RIT2: variants seen among roughly 807,000 people sequenced by gnomAD.
RIT2 encodes Ras like without CAAX 2.
Under a neutral mutation model 23.7 loss-of-function variants are expected in RIT2, and 24 were observed. That is an observed-to-expected ratio of 1.01 (90% confidence interval 0.73 to 1.43). The LOEUF (loss-of-function observed/expected upper bound fraction) is 1.43. Ranked by LOEUF, RIT2 falls within the 40% of genes most tolerant of loss-of-function variation. The probability of loss-of-function intolerance (pLI) is 0.00; values close to 1 mark genes in which losing one functional copy is unlikely to be tolerated. For synonymous variants in RIT2, 107 were observed against 91.1 expected (o/e 1.17, Z -0.99); for missense variants, 236 against 266.9 (o/e 0.88, Z 0.81).
chr18:42,939,842 A>G (rs980628440), intron 3 of RIT2, among the ~76,000 whole-genome samples: 2 of 152,136 alleles, frequency 1.3e-5, no homozygotes, highest in African/African-American at 4.8e-5. Flanking sequence ...AAATAAAAAT[A>G]CATCATGTAA....
chr18:42,782,440 T>C (rs1317171198), intron 4 of RIT2, among the ~76,000 whole-genome samples: 4 of 152,098 alleles, frequency 2.6e-5, no homozygotes, highest in Non-Finnish European at 1.5e-5. Context: ...TTATAATATA[T>C]GATGTGTTCA....
intron 1 of RIT2, among the ~76,000 whole-genome samples, chr18:43,101,174 T>G (rs962376768): frequency 6.6e-6 from 1 of 152,080 alleles, no homozygotes; most frequent in African/African-American, 2.4e-5. Flanking sequence ...CCATGCCTCT[T>G]TGTTCATACG....
intron 1 of RIT2, among the ~76,000 whole-genome samples, chr18:43,040,059 G>C (rs1912091061): frequency 6.6e-6 from 1 of 152,282 alleles, no homozygotes; most frequent in East Asian, 1.9e-4. Context: ...ATTTGGTCAA[G>C]ACCGCTTAGA....
intron 1 of RIT2, among the ~76,000 whole-genome samples, chr18:43,060,879 G>C (rs775420033): frequency 6.6e-6 from 1 of 151,980 alleles, no homozygotes; most frequent in Admixed American, 6.6e-5. Flanking sequence ...GGAAAGCATC[G>C]TTATCCCTAC....
chr18:42,918,591 T>G (rs1908973822), intron 4 of RIT2, among the ~76,000 whole-genome samples: 1 of 152,152 alleles, frequency 6.6e-6, no homozygotes. Context: ...TCTTATTTTT[T>G]TAAGTTTGAG....
At chr18:43,045,134 A>G (rs1365542358) in intron 1 of RIT2, among the ~76,000 whole-genome samples, 1 of 152,128 alleles carries the variant, frequency 6.6e-6, no homozygotes, top group African/African-American at 2.4e-5. Context: ...CCTAAGGAGT[A>G]TTTCAGTATG....
chr18:43,097,354 AGAG>A (rs1305949319), intron 1 of RIT2, among the ~76,000 whole-genome samples: 1 of 151,986 alleles, frequency 6.6e-6, no homozygotes, highest in Non-Finnish European at 1.5e-5. Flanking sequence ...GGACATACAC[AGAG>A]GAGGTTAAAT....
At chr18:42,911,402 T>G (rs2144119170) in intron 4 of RIT2, among the ~76,000 whole-genome samples, 1 of 151,966 alleles carries the variant, frequency 6.6e-6, no homozygotes, top group East Asian at 1.9e-4. Context: ...AAAAAATCAA[T>G]AAAATCGGTA....
At chr18:42,846,784 T>G (rs1397170272) in intron 4 of RIT2, among the ~76,000 whole-genome samples, 1 of 152,144 alleles carries the variant, frequency 6.6e-6, no homozygotes, top group African/African-American at 2.4e-5. Flanking sequence ...CGCTTCAAAT[T>G]TATAAGAAGT....
intron 4 of RIT2, among the ~76,000 whole-genome samples, chr18:42,759,259 C>A (rs1211919633): frequency 6.6e-6 from 1 of 152,158 alleles, no homozygotes; most frequent in Admixed American, 6.5e-5. Context: ...GCACTTACTG[C>A]ACATTCCTCC....
chr18:43,102,887 C>T (rs1402261521), intron 1 of RIT2, among the ~76,000 whole-genome samples: 1 of 152,106 alleles, frequency 6.6e-6, no homozygotes. Context: ...CTCCTGGCCT[C>T]AAGTGATCTG....
intron 4 of RIT2, among the ~76,000 whole-genome samples, chr18:42,826,262 A>G (rs1906294682): frequency 6.6e-6 from 1 of 152,084 alleles, no homozygotes; most frequent in African/African-American, 2.4e-5. Context: ...GAGAAAGCTG[A>G]AGCAGGTAGA....
intron 2 of RIT2, among the ~76,000 whole-genome samples, chr18:42,975,741 C>T (rs1189138040): frequency 6.6e-6 from 1 of 151,970 alleles, no homozygotes; most frequent in East Asian, 1.9e-4. Context: ...TTCACAACTT[C>T]CTGCCTAGAT....
intron 4 of RIT2, among the ~76,000 whole-genome samples, chr18:42,755,878 C>T (rs1913150831): frequency 6.6e-6 from 1 of 152,098 alleles, no homozygotes; most frequent in South Asian, 2.1e-4. Context: ...ACAAGTAATG[C>T]CCAGCCCTGT....
At chr18:42,981,815 C>A (rs147947009) in intron 2 of RIT2, among the ~76,000 whole-genome samples, 1 of 151,988 alleles carries the variant, frequency 6.6e-6, no homozygotes, top group African/African-American at 2.4e-5. Flanking sequence ...CATAAACACT[C>A]AGGTACATTA....
chr18:43,059,103 AT>A (rs111818066), intron 1 of RIT2, among the ~76,000 whole-genome samples: 2,490 of 150,022 alleles, frequency 0.017, 71 homozygotes, highest in African/African-American at 0.055. Context: ...TTTCCTCTAT[AT>A]TTTTTTTTTC....
Position 42,743,725 on chromosome 18 carries a change from G to A in RIT2, c.427-5C>T. On this transcript the variant is annotated splice_region_variant and splice_polypyrimidine_tract_variant and intron_variant, in intron 4 of 4. Transcript: ENST00000326695. ...CAAGCCTTCTTCTGTAGAAACCTAA[G>A]GAAAAAACAAATAATATTAAAAAGA... 3 of 1,576,810 alleles carry A rather than the reference G, an allele frequency of 1.9e-6. No homozygotes were observed. The highest frequency in any genetic ancestry group is 1.8e-5 in the Admixed American group (1 of 56,436).
intron 4 of RIT2, among the ~76,000 whole-genome samples, chr18:42,837,420 G>A (rs1254005582): frequency 6.6e-6 from 1 of 151,378 alleles, no homozygotes; most frequent in Non-Finnish European, 1.5e-5. Flanking sequence ...GCCCGACTTG[G>A]CCTCCCAAAG....
At chr18:42,991,715 T>C (rs1301740317) in intron 2 of RIT2, among the ~76,000 whole-genome samples, 3 of 152,152 alleles carry the variant, frequency 2.0e-5, no homozygotes, top group South Asian at 2.1e-4. Context: ...TTCCTTCTCC[T>C]GGCTCATCCT....
Sources: allele counts gnomAD v4.1 joint callset (sites outside exome capture counted in the v4.1 genomes callset), GRCh38; gene constraint gnomAD v4.1.1; transcripts MANE v1.5; gene names NCBI Gene and HGNC (gene_info 2026-07-23, HGNC 2026-07-21).